Variants in UPB1 observed in about 807,000 individuals in gnomAD.
The protein encoded by UPB1 is beta-ureidopropionase.
Under a neutral mutation model 49.1 loss-of-function variants are expected in UPB1, and 40 were observed. That is an observed-to-expected ratio of 0.81 (90% CI 0.63 to 1.06). The LOEUF (loss-of-function observed/expected upper bound fraction) is 1.06. UPB1 is among the 50% of genes least tolerant of loss of function. The probability of loss-of-function intolerance (pLI) is 0.00; values close to 1 mark genes in which losing one functional copy is unlikely to be tolerated. For synonymous variants in UPB1, 207 were observed against 198.2 expected (o/e 1.04, Z -0.38); for missense variants, 499 against 505.9 (o/e 0.99, Z 0.13).
At chr22:24,499,166 G>A (rs984050008) in intron 1 of UPB1, among the ~76,000 whole-genome samples, 2 of 152,214 alleles carry the variant, frequency 1.3e-5, no homozygotes, top group Admixed American at 6.5e-5. Flanking sequence ...GGCAGGGGGC[G>A]GCGACAGGGG....
At chr22:24,495,592 C>A in intron 1 of UPB1, 85 bp downstream of exon 1, 1 of 1,459,130 alleles carries the variant, frequency 6.9e-7, no homozygotes, top group Non-Finnish European at 9.5e-7. Context: ...GCCTCAGGGT[C>A]TGAAGGGCTC....
At chr22:24,521,175 C>G (rs1049624806) in intron 7 of UPB1, among the ~76,000 whole-genome samples, 61 of 93,294 alleles carry the variant, frequency 6.5e-4, no homozygotes, top group African/African-American at 2.7e-3. Context: ...GAGTGAGACT[C>G]TGTCAAAAAA....
intron 2 of UPB1, 152 bp downstream of exon 2, chr22:24,500,430 C>T (rs1022461810): frequency 8.7e-5 from 81 of 926,032 alleles, no homozygotes; most frequent in Non-Finnish European, 1.3e-4. Context: ...GGCCTCCCCA[C>T]ATCCCTCCAG....
intron 4 of UPB1, 53 bp from the exon 5 acceptor site, chr22:24,513,271 A>G: frequency 6.2e-7 from 1 of 1,613,458 alleles, no homozygotes; most frequent in Non-Finnish European, 8.5e-7. Context: ...TTGATAAAAA[A>G]CTACAACAAT....
At chr22:24,497,011 AAC>A (rs1228706908) in intron 1 of UPB1, among the ~76,000 whole-genome samples, 4 of 152,138 alleles carry the variant, frequency 2.6e-5, no homozygotes, top group African/African-American at 9.7e-5. Flanking sequence ...ACATATGTGG[AAC>A]ACTGTCCCTC....
In UPB1 at chr22:24,501,607, G is replaced by T. The variant is rs2147002887; in HGVS notation, c.277-519G>T. On this transcript the variant is annotated intron_variant, in intron 2 of 9. Transcript: ENST00000326010. ...ATAACACCTCCAGGAAGATTAGGTG[G>T]GAGGAGGGAAGTACATTCCTGGCCC... is the stretch of plus-strand genomic sequence containing the variant. Among the ~76,000 whole-genome samples, 2 of 152,352 alleles carry T rather than the reference G, an allele frequency of 1.3e-5. 1 individual carries two copies.
rs1029155451 is a variant in UPB1 at position 24,495,338 on chromosome 22, C to T, written c.-66C>T. 210 of 1,568,242 alleles carry T rather than the reference C, an allele frequency of 1.3e-4. No individual in the cohort carries two copies. The highest frequency in any genetic ancestry group is 1.3e-4 in the Non-Finnish European group (149 of 1,146,010). ...AGGGCGCCTGACCGGGCCTGGGCAC[C>T]TCCTCCCACTGCGGGCAAAGGGCAG... On this transcript the variant is annotated 5_prime_UTR_variant, in exon 1 of 10. Transcript: ENST00000326010.
chr22:24,522,159 A>G lies in UPB1; in HGVS notation c.916+131A>G, dbSNP rs566826229. On this transcript the variant is annotated intron_variant, in intron 8 of 9. Coordinates refer to ENST00000326010, the MANE Select transcript of UPB1 (RefSeq NM_016327.3). Reference sequence around the variant, plus strand: ...TGCCTGGCACCTAGGAGGAGGCGCCAATTCCTCTCTGCTTTATTGCCTGCA... The same window carrying G: ...TGCCTGGCACCTAGGAGGAGGCGCCGATTCCTCTCTGCTTTATTGCCTGCA... 24 of 1,069,980 alleles carry G rather than the reference A, an allele frequency of 2.2e-5. No homozygotes were observed. In the African/African-American group the frequency reaches 3.8e-4, roughly 17 times the overall value. The allele number at this position is 1,069,980 out of a possible 1,614,324, so 66.3% of individuals were successfully genotyped here.
In UPB1 at chr22:24,510,743, T is replaced by C. The variant is rs1170871095; in HGVS notation, c.365-6T>C. ...GATATAATTCTGCCCTTTCTCCTAT[T>C]TATAGCTATGCCCTTTGCCTTCTGT... On this transcript the variant is annotated splice_polypyrimidine_tract_variant and splice_region_variant and intron_variant, in intron 3 of 9. Coordinates refer to ENST00000326010, the MANE Select transcript of UPB1 (RefSeq NM_016327.3). 6.2e-7 allele frequency: 1 copy of C among 1,613,950 alleles called. No homozygotes were observed. The highest frequency in any genetic ancestry group is 1.7e-4 in the Middle Eastern group (1 of 6,060).
At chr22:24,508,631 A>G (rs1015502530) in intron 3 of UPB1, among the ~76,000 whole-genome samples, 5 of 151,552 alleles carry the variant, frequency 3.3e-5, no homozygotes, top group African/African-American at 9.7e-5. Context: ...TAATCCCAGC[A>G]CTTTGGGAGG....
At chr22:24,520,598 CT>C (rs2044372466) in intron 7 of UPB1, 130 bp downstream of exon 7, 1 of 1,019,902 alleles carries the variant, frequency 9.8e-7, no homozygotes, top group East Asian at 2.6e-5. Flanking sequence ...TGGTCCGTTA[CT>C]TTTCAAGATA....
In UPB1 at chr22:24,523,723, A is replaced by T. The variant is rs1003654888; in HGVS notation, c.1021A>T (p.Lys341Ter). 1.2e-6 allele frequency: 2 copies of T among 1,614,272 alleles called. No homozygotes were observed. The highest frequency in any genetic ancestry group is 1.7e-6 in the Non-Finnish European group (2 of 1,180,052). The change falls in exon 9 of 10, where the codon AAG becomes TAG. Residue 341 changes from lysine (K) to a stop codon, truncating the protein, a stop_gained. Transcript: ENST00000326010. LOFTEE classifies it high-confidence loss of function. ...TAGCCGGGATGGACTGCTAGTTGCTAAGCTCGACCTAAACCTCTGCCAGCA... is the reference window on the plus strand; with the variant it reads ...TAGCCGGGATGGACTGCTAGTTGCTTAGCTCGACCTAAACCTCTGCCAGCA... ...SRSRDGLLVA[K>*]LDLNLCQQVN...
At chr22:24,510,484 C>T (rs574073381) in intron 3 of UPB1, among the ~76,000 whole-genome samples, 6 of 152,252 alleles carry the variant, frequency 3.9e-5, no homozygotes, top group South Asian at 2.1e-4. Context: ...AATAATGTTC[C>T]TGTAAACATG....
At chr22:24,501,116 T>A (rs148162875) in intron 2 of UPB1, among the ~76,000 whole-genome samples, 79 of 152,364 alleles carry the variant, frequency 5.2e-4, no homozygotes, top group African/African-American at 1.8e-3. Flanking sequence ...GACTGTCAAG[T>A]CATAGGACCA....
At chr22:24,496,764 A>G (rs2043896794) in intron 1 of UPB1, among the ~76,000 whole-genome samples, 1 of 151,014 alleles carries the variant, frequency 6.6e-6, no homozygotes, top group South Asian at 2.1e-4. Context: ...GGGTCAGAGA[A>G]AGAGACTTTG....
chr22:24,518,948 A>G (rs1187110866), intron 6 of UPB1, among the ~76,000 whole-genome samples: 1 of 152,126 alleles, frequency 6.6e-6, no homozygotes, highest in Non-Finnish European at 1.5e-5. Flanking sequence ...CTGGGCTCTC[A>G]CTAACCCCAG....
At chr22:24,508,108 G>A (rs1568985870) in intron 3 of UPB1, among the ~76,000 whole-genome samples, 1 of 152,302 alleles carries the variant, frequency 6.6e-6, no homozygotes, top group South Asian at 2.1e-4. Context: ...GTCTACAATT[G>A]TTAATTCTAA....
At chr22:24,500,042 A>T in intron 1 of UPB1, 65 bp from the exon 2 acceptor site, 10 of 1,609,408 alleles carry the variant, frequency 6.2e-6, no homozygotes, top group Non-Finnish European at 8.5e-6. Flanking sequence ...AAGAAATGGG[A>T]GAGAGATTTT....
chr22:24,498,855 A>G (rs1039278941), intron 1 of UPB1, among the ~76,000 whole-genome samples: 4 of 152,236 alleles, frequency 2.6e-5, no homozygotes, highest in Admixed American at 6.5e-5. Context: ...TCGAGGGAAT[A>G]GACACATAAG....
Sources: gnomAD v4.1 joint callset for allele counts (sites outside exome capture counted in the v4.1 genomes callset) on GRCh38, gnomAD v4.1.1 for gene constraint, MANE v1.5 for transcripts, NCBI Gene and HGNC (gene_info 2026-07-23, HGNC 2026-07-21) for gene names.